The following LRRC28 variants were observed in gnomAD, a reference collection of about 807,000 sequenced individuals.
LRRC28 encodes the protein leucine-rich repeat-containing protein 28.
Under a neutral mutation model 45.7 loss-of-function variants are expected in LRRC28, and 39 were observed. That is an observed-to-expected ratio of 0.85 (90% confidence interval 0.66 to 1.12). LRRC28 has a LOEUF of 1.12. LRRC28 is among the 50% of genes most tolerant of loss of function. The pLI, the probability that LRRC28 is intolerant of heterozygous loss-of-function variation, is 0.00. For synonymous variants in LRRC28, 206 were observed against 178.8 expected, an observed-to-expected ratio of 1.15 and a Z score of -1.22; for missense variants, 435 against 438.5, an observed-to-expected ratio of 0.99 and a Z score of 0.07.
chr15:99,344,182 A>T (rs1403322631), intron 6 of LRRC28, among the ~76,000 whole-genome samples: 1 of 152,204 alleles, frequency 6.6e-6, no homozygotes, highest in African/African-American at 2.4e-5. Context: ...TTTTGCCAGG[A>T]ATAAAGCTGG....
intron 8 of LRRC28, 49 bp downstream of exon 8, chr15:99,361,560 A>G (rs778029150): frequency 2.0e-6 from 3 of 1,513,390 alleles, no homozygotes; most frequent in Admixed American, 4.6e-5. Context: ...TTTAGTGAAC[A>G]TTGTGCTTGG....
At chr15:99,278,501 C>T (rs1466134974) in intron 3 of LRRC28, among the ~76,000 whole-genome samples, 1 of 152,206 alleles carries the variant, frequency 6.6e-6, no homozygotes. Flanking sequence ...CTGCCTTGGC[C>T]TCCCAAAGTG....
intron 5 of LRRC28, among the ~76,000 whole-genome samples, chr15:99,329,298 A>C (rs1369792627): frequency 6.6e-6 from 1 of 152,254 alleles, no homozygotes; most frequent in African/African-American, 2.4e-5. Context: ...ATACACTTCA[A>C]AAAGTTGTAG....
intron 2 of LRRC28, 38 bp downstream of exon 2, chr15:99,256,163 A>T: frequency 6.5e-7 from 1 of 1,540,972 alleles, no homozygotes; most frequent in South Asian, 1.2e-5. Context: ...AATTATTTAT[A>T]CATGTGGTCC....
At chr15:99,384,359 C>T (rs1223061768) in intron 9 of LRRC28, 2 of 152,182 alleles carry the variant, frequency 1.3e-5, no homozygotes, top group Non-Finnish European at 2.9e-5. Flanking sequence ...TATCAAGTCT[C>T]AAGTTCCCAC....
intron 6 of LRRC28, among the ~76,000 whole-genome samples, chr15:99,339,053 G>C (rs756499988): frequency 6.6e-6 from 1 of 152,180 alleles, no homozygotes; most frequent in East Asian, 1.9e-4. Flanking sequence ...GCCTCGAGAC[G>C]TGAATATTTG....
chr15:99,288,543 A>T (rs1358204509), intron 5 of LRRC28, among the ~76,000 whole-genome samples: 5 of 151,314 alleles, frequency 3.3e-5, no homozygotes. Context: ...CACCACACCC[A>T]GCTAATTTTT....
intron 5 of LRRC28, among the ~76,000 whole-genome samples, chr15:99,288,448 C>T (rs1261984440): frequency 7.5e-6 from 1 of 133,292 alleles, no homozygotes; most frequent in Non-Finnish European, 1.5e-5. Flanking sequence ...GTGGCACAAT[C>T]TCAGCTCACT....
rs142868777 is a variant in LRRC28, at chr15:99,282,149, A to T, written c.210-5108A>T. ...CTAGAATTCAGCTATGAGTGAGGCC[A>T]AGGGATTCCTTATGCAAATTTTTGG... On this transcript the variant is annotated intron_variant, in intron 3 of 9. Coordinates refer to ENST00000301981, the MANE Select transcript of LRRC28 (RefSeq NM_144598.5). Among the ~76,000 whole-genome samples the T allele has an allele frequency of 2.5e-3, 330 of 130,020 alleles. 1 individual carries two copies. Among genetic ancestry groups the T allele is most frequent in the Admixed American group, 6.1e-3 (76 of 12,486 alleles). 85.3% of individuals were successfully genotyped at this position (130,020 alleles called of 152,430 possible).
intron 5 of LRRC28, among the ~76,000 whole-genome samples, chr15:99,290,504 A>T (rs1364986843): frequency 6.6e-6 from 1 of 152,208 alleles, no homozygotes; most frequent in African/African-American, 2.4e-5. Flanking sequence ...TACTCTTTTG[A>T]AGATTGCCTA....
chr15:99,374,947 A>G (rs1006609824), intron 9 of LRRC28, among the ~76,000 whole-genome samples: 2 of 152,060 alleles, frequency 1.3e-5, no homozygotes, highest in Admixed American at 6.6e-5. Flanking sequence ...GATTACAGGC[A>G]TGAGCCACCG....
intron 5 of LRRC28, among the ~76,000 whole-genome samples, chr15:99,300,943 C>T (rs1954946480): frequency 6.6e-6 from 1 of 152,176 alleles, no homozygotes; most frequent in African/African-American, 2.4e-5. Flanking sequence ...CTCTAGGAGA[C>T]TGAATACTAC....
intron 2 of LRRC28, among the ~76,000 whole-genome samples, chr15:99,270,949 T>TA (rs1850549259): frequency 6.6e-6 from 1 of 152,248 alleles, no homozygotes; most frequent in Non-Finnish European, 1.5e-5. Context: ...TTGTTAGTGT[T>TA]ACAGCTGTCA....
chr15:99,283,787 G>C (rs953169479), intron 3 of LRRC28, among the ~76,000 whole-genome samples: 1 of 151,920 alleles, frequency 6.6e-6, no homozygotes, highest in Non-Finnish European at 1.5e-5. Flanking sequence ...CAATGAATGA[G>C]AGTTCCTGCA....
intron 5 of LRRC28, among the ~76,000 whole-genome samples, chr15:99,291,994 C>T (rs759784016): frequency 6.6e-6 from 1 of 152,310 alleles, no homozygotes; most frequent in Non-Finnish European, 1.5e-5. Context: ...TAGGAGATAT[C>T]TCCATGCTTT....
intron 2 of LRRC28, among the ~76,000 whole-genome samples, chr15:99,274,842 T>A (rs2081573363): frequency 6.6e-6 from 1 of 152,204 alleles, no homozygotes; most frequent in African/African-American, 2.4e-5. Context: ...ATGTTGCTTC[T>A]TGTGCTTAGA....
At chr15:99,359,512 TA>T (rs1363615236) in intron 7 of LRRC28, among the ~76,000 whole-genome samples, 1 of 152,200 alleles carries the variant, frequency 6.6e-6, no homozygotes, top group Non-Finnish European at 1.5e-5. Context: ...AAATGACTGA[TA>T]ACATCCAGTT....
At chr15:99,260,028 T>C in intron 2 of LRRC28, 1 of 576,706 alleles carries the variant, frequency 1.7e-6, no homozygotes, top group Non-Finnish European at 3.2e-6. Flanking sequence ...TAAATTATAC[T>C]CTCATCGTTT....
intron 6 of LRRC28, among the ~76,000 whole-genome samples, chr15:99,345,906 A>G (rs1956665241): frequency 6.6e-6 from 1 of 152,240 alleles, no homozygotes; most frequent in East Asian, 1.9e-4. Context: ...GTAAGTGAAT[A>G]GTCAGACACA....
Sources: allele counts gnomAD v4.1 joint callset (sites outside exome capture counted in the v4.1 genomes callset), GRCh38; gene constraint gnomAD v4.1.1; transcripts MANE v1.5; gene names NCBI Gene and HGNC (gene_info 2026-07-23, HGNC 2026-07-21).